The following SNX29 variants were observed in gnomAD, a reference collection of about 807,000 sequenced individuals.
The protein encoded by SNX29 is sorting nexin 29.
Under a neutral mutation model 102.1 loss-of-function variants are expected in SNX29, and 78 were observed. The observed-to-expected ratio is 0.76, with a 90% CI of 0.64 to 0.92. The LOEUF is 0.92. SNX29 is among the 40% of genes least tolerant of loss of function. SNX29 has a pLI of 0.00. For synonymous variants in SNX29, 580 were observed against 414.5 expected (o/e 1.40, Z -4.85); for missense variants, 1,280 against 1,061.7 (o/e 1.21, Z -2.86).
chr16:12,511,983 G>A (rs1289204888), intron 19 of SNX29, among the ~76,000 whole-genome samples: 1 of 151,980 alleles, frequency 6.6e-6, no homozygotes, highest in Admixed American at 6.6e-5. Flanking sequence ...GTTCACTGAG[G>A]GGTGTGTGCT....
chr16:12,543,958 G>A (rs986957866), intron 20 of SNX29, among the ~76,000 whole-genome samples: 3 of 152,200 alleles, frequency 2.0e-5, no homozygotes, highest in Non-Finnish European at 1.5e-5. Flanking sequence ...GAGCCTATCT[G>A]CTGGGAGAAA....
intron 14 of SNX29, among the ~76,000 whole-genome samples, chr16:12,218,732 C>T (rs2077391176): frequency 6.6e-6 from 1 of 152,082 alleles, no homozygotes; most frequent in African/African-American, 2.4e-5. Flanking sequence ...CAAATCATTT[C>T]CTCATAGATG....
chr16:11,995,694 AG>A (rs1345188535), intron 1 of SNX29, among the ~76,000 whole-genome samples: 2 of 151,484 alleles, frequency 1.3e-5, no homozygotes, highest in Non-Finnish European at 2.9e-5. Flanking sequence ...CATACCAGGA[AG>A]GGTAGGTGCT....
intron 20 of SNX29, among the ~76,000 whole-genome samples, chr16:12,561,415 C>G (rs926200956): frequency 2.0e-5 from 3 of 152,152 alleles, no homozygotes; most frequent in Admixed American, 1.3e-4. Flanking sequence ...CAGATCAGTC[C>G]TAGCTGGGTT....
At chr16:12,565,425 C>T (rs377500322) in intron 20 of SNX29, among the ~76,000 whole-genome samples, 2 of 139,268 alleles carry the variant, frequency 1.4e-5, no homozygotes, top group African/African-American at 5.7e-5. Context: ...GAAGCCCATC[C>T]TCCCGTGGCC....
chr16:12,490,344 T>A (rs2088484072), intron 19 of SNX29, among the ~76,000 whole-genome samples: 1 of 152,268 alleles, frequency 6.6e-6, no homozygotes. Context: ...GCATCACATC[T>A]GTGAGCTTCC....
chr16:12,222,811 C>T (rs531679655), intron 14 of SNX29, among the ~76,000 whole-genome samples: 3 of 152,236 alleles, frequency 2.0e-5, no homozygotes, highest in African/African-American at 4.8e-5. Flanking sequence ...TCAGGTGATC[C>T]GCCCACCTCA....
intron 20 of SNX29, among the ~76,000 whole-genome samples, chr16:12,540,538 C>T (rs973057411): frequency 4.6e-5 from 7 of 152,224 alleles, no homozygotes; most frequent in African/African-American, 1.4e-4. Context: ...TTCGCGGCTT[C>T]CTGGCAGCCA....
chr16:12,419,142 T>G (rs2084770030), intron 18 of SNX29, among the ~76,000 whole-genome samples: 1 of 152,118 alleles, frequency 6.6e-6, no homozygotes, highest in Admixed American at 6.6e-5. Context: ...TAAGCATTGT[T>G]TAGTTCCGAT....
intron 14 of SNX29, among the ~76,000 whole-genome samples, chr16:12,236,298 C>T (rs993233250): frequency 6.6e-6 from 1 of 152,082 alleles, no homozygotes; most frequent in Non-Finnish European, 1.5e-5. Flanking sequence ...ATTTGAAGAC[C>T]CATGGGGAGT....
At chr16:12,217,835 C>T (rs1334654949) in intron 14 of SNX29, among the ~76,000 whole-genome samples, 1 of 152,226 alleles carries the variant, frequency 6.6e-6, no homozygotes. Context: ...AACTCAGCCT[C>T]ATCCTCCATC....
chr16:12,498,879 G>A (rs1356120421), intron 19 of SNX29, among the ~76,000 whole-genome samples: 2 of 152,152 alleles, frequency 1.3e-5, no homozygotes, highest in Non-Finnish European at 2.9e-5. Flanking sequence ...TAGAGAGATG[G>A]TAGGTTTTTC....
intron 14 of SNX29, among the ~76,000 whole-genome samples, chr16:12,225,153 T>A (rs1365728761): frequency 1.3e-5 from 2 of 152,226 alleles, no homozygotes; most frequent in African/African-American, 2.4e-5. Flanking sequence ...ATCAGTGATA[T>A]TAATATCACT....
At chr16:12,171,264 G>A (rs1216851198) in intron 13 of SNX29, among the ~76,000 whole-genome samples, 2 of 152,100 alleles carry the variant, frequency 1.3e-5, no homozygotes, top group African/African-American at 4.8e-5. Flanking sequence ...AGCGCCAAAT[G>A]GAACCCAGGT....
At chr16:12,567,857 C>A (rs1219676760) in intron 20 of SNX29, among the ~76,000 whole-genome samples, 1 of 152,184 alleles carries the variant, frequency 6.6e-6, no homozygotes, top group Admixed American at 6.5e-5. Flanking sequence ...TCTACCCTAT[C>A]CCCTAAAAAA....
intron 11 of SNX29, among the ~76,000 whole-genome samples, chr16:12,085,348 A>T (rs1373819267): frequency 6.6e-6 from 1 of 151,920 alleles, no homozygotes; most frequent in African/African-American, 2.4e-5. Context: ...TTCCTTTTGG[A>T]CGGCGTCTCG....
chr16:12,548,311 A>G lies in SNX29; in HGVS notation c.2319-20195A>G, dbSNP rs967118095. Among the ~76,000 whole-genome samples the G allele has an allele frequency of 5.3e-5, 8 of 151,858 alleles. No individual in the cohort carries two copies. The East Asian group carries it at 5.8e-4, about 11-fold the overall frequency. Reference sequence around the variant, plus strand: ...TGGAAGCTACTGTCCCTGGAGCCCTACTCTCCTGGCTTGGTGCCTCCATGG... The same window carrying G: ...TGGAAGCTACTGTCCCTGGAGCCCTGCTCTCCTGGCTTGGTGCCTCCATGG... On this transcript the variant is annotated intron_variant, in intron 20 of 20. Coordinates refer to ENST00000566228, the MANE Select transcript of SNX29 (RefSeq NM_032167.5).
At chr16:12,376,635 C>T (rs959726783) in intron 16 of SNX29, among the ~76,000 whole-genome samples, 3 of 144,372 alleles carry the variant, frequency 2.1e-5, no homozygotes, top group African/African-American at 2.6e-5. Context: ...ACTCAGGAGG[C>T]GGAGGCAGGG....
At chr16:12,365,353 T>TGTGTGC (rs1490474086) in intron 16 of SNX29, among the ~76,000 whole-genome samples, 1 of 151,448 alleles carries the variant, frequency 6.6e-6, no homozygotes, top group Non-Finnish European at 1.5e-5. Context: ...TGTGTGTGTG[T>TGTGTGC]GTGTGTGTGT....
Sources: gnomAD v4.1 joint callset for allele counts (sites outside exome capture counted in the v4.1 genomes callset) on GRCh38, gnomAD v4.1.1 for gene constraint, MANE v1.5 for transcripts, NCBI Gene and HGNC (gene_info 2026-07-23, HGNC 2026-07-21) for gene names.